RIMBP2: variants seen among roughly 807,000 people sequenced by gnomAD.
RIMBP2 encodes the protein RIMS-binding protein 2.
A neutral mutation model predicts 118.6 loss-of-function variants in RIMBP2; 48 were observed. The ratio of observed to expected loss-of-function variants is 0.40; its 90% CI spans 0.32 to 0.51. The LOEUF (loss-of-function observed/expected upper bound fraction) is 0.51. RIMBP2 is among the 20% of genes least tolerant of loss of function. The probability of loss-of-function intolerance (pLI) is 0.41; values close to 1 mark genes in which losing one functional copy is unlikely to be tolerated. For missense variants in RIMBP2, 1,551 were observed against 1,768.3 expected, an observed-to-expected ratio of 0.88 and a Z score of 2.20; for synonymous variants, 762 against 742.9, an observed-to-expected ratio of 1.03 and a Z score of -0.42.
intron 2 of RIMBP2, among the ~76,000 whole-genome samples, chr12:130,568,974 G>C (rs1018039991): frequency 1.3e-5 from 2 of 152,078 alleles, no homozygotes; most frequent in Non-Finnish European, 2.9e-5. Context: ...CTGTGTGTTA[G>C]TGACAGGGCA....
At chr12:130,696,465 C>G (rs1401377054) in intron 1 of RIMBP2, among the ~76,000 whole-genome samples, 1 of 152,188 alleles carries the variant, frequency 6.6e-6, no homozygotes, top group African/African-American at 2.4e-5. Context: ...TAGATCACCA[C>G]CACAAAATGA....
rs777258467 is a variant in RIMBP2 at position 130,424,298 on chromosome 12, G to A, written c.2973C>T (p.Pro991=). The A allele has an allele frequency of 2.1e-4, 258 of 1,231,576 alleles. No homozygotes were observed. The highest frequency in any genetic ancestry group is 2.3e-4 in the Non-Finnish European group (228 of 987,798). 76.3% of individuals were successfully genotyped at this position (1,231,576 alleles called of 1,614,324 possible). A position where few individuals can be genotyped will look rare whatever the true frequency, so the allele number is the denominator to read the frequency against. Residue 991 remains proline (P), a synonymous_variant, in exon 16 of 23, where the codon CCC becomes CCT. Coordinates refer to ENST00000690449, the MANE Select transcript of RIMBP2 (RefSeq NM_001393629.1). This position sits in a 1 kb window ranked among gnomAD's most constrained non-coding sequence, Gnocchi z 9.8. ...TCCTGGGGGGCGGCCTCTCCGGGCC[G>A]GGCTGGGGGTCGTCGTTCCTGAGGA... ...GGLLRNDDPQ[P]GPERPPPRKH... is the part of the protein sequence containing the mutation.
chr12:130,473,278 C>A (rs1011158942), intron 5 of RIMBP2, among the ~76,000 whole-genome samples: 3 of 152,222 alleles, frequency 2.0e-5, no homozygotes, highest in African/African-American at 7.2e-5. Context: ...GGGGCCAACA[C>A]AGGGAAAGTG....
intron 1 of RIMBP2, among the ~76,000 whole-genome samples, chr12:130,709,482 G>A (rs948487757): frequency 2.6e-5 from 4 of 152,244 alleles, no homozygotes; most frequent in Non-Finnish European, 4.4e-5. Context: ...GAGTCAACAC[G>A]CAGCTCGAGC....
intron 2 of RIMBP2, among the ~76,000 whole-genome samples, chr12:130,610,008 C>G (rs2060414179): frequency 6.6e-6 from 1 of 152,212 alleles, no homozygotes; most frequent in Non-Finnish European, 1.5e-5. Context: ...CCAGAAACGC[C>G]CTCACAGGCA....
intron 2 of RIMBP2, among the ~76,000 whole-genome samples, chr12:130,555,996 A>G (rs1006304124): frequency 6.6e-6 from 1 of 152,212 alleles, no homozygotes; most frequent in Admixed American, 6.5e-5. Context: ...CATGGCAACC[A>G]CATGGCATGG....
intron 5 of RIMBP2, among the ~76,000 whole-genome samples, chr12:130,474,537 G>A (rs146650663): frequency 2.0e-5 from 3 of 152,208 alleles, no homozygotes; most frequent in East Asian, 3.9e-4. Context: ...CCACATGAGC[G>A]AGCAGGCATG....
chr12:130,482,145 C>T (rs545939000), intron 4 of RIMBP2, among the ~76,000 whole-genome samples: 1 of 152,206 alleles, frequency 6.6e-6, no homozygotes, highest in Non-Finnish European at 1.5e-5. Flanking sequence ...TGTGGCTTTG[C>T]TCTGGTGTCA....
Position 130,488,715 on chromosome 12 carries a change from A to G in RIMBP2, c.-3-9699T>C, listed in dbSNP as rs149839542. 8.0e-4 allele frequency among the ~76,000 whole-genome samples: 122 copies of G among 151,926 alleles called. 1 individual carries two copies. Among genetic ancestry groups the G allele is most frequent in the African/African-American group, 2.8e-3 (116 of 41,532 alleles). On this transcript the variant is annotated intron_variant, in intron 4 of 22. Transcript: ENST00000690449. The stretch of plus-strand genomic sequence containing the variant: ...CATTCCCCTCCCACTTCCCATCCTG[A>G]GGGCTCCATTCCATGCTCACTGCCT...
chr12:130,701,107 C>T (rs1246989005), intron 1 of RIMBP2, among the ~76,000 whole-genome samples: 1 of 152,166 alleles, frequency 6.6e-6, no homozygotes, highest in Non-Finnish European at 1.5e-5. Flanking sequence ...CGTGTGATTT[C>T]GAAGGATGGG....
intron 1 of RIMBP2, chr12:130,658,838 G>A (rs981634780): frequency 6.6e-6 from 1 of 152,288 alleles, no homozygotes; most frequent in Admixed American, 6.5e-5. Context: ...GGAGGCGGGT[G>A]GCAATAGACC....
At chr12:130,601,707 T>C (rs1176221648) in intron 2 of RIMBP2, among the ~76,000 whole-genome samples, 2 of 152,242 alleles carry the variant, frequency 1.3e-5, no homozygotes, top group African/African-American at 4.8e-5. Context: ...GAGTTATTGA[T>C]CTACTTCTTC....
intron 13 of RIMBP2, 54 bp downstream of exon 13, chr12:130,436,788 G>C (rs912143294): frequency 7.6e-7 from 1 of 1,317,572 alleles, no homozygotes. Flanking sequence ...ACAGGGCCCC[G>C]TCCCGTGGGG....
rs1036911557 is a variant in RIMBP2 at position 130,622,593 on chromosome 12, G to T, written c.-217+5729C>A. Among the ~76,000 whole-genome samples the T allele has an allele frequency of 1.3e-5, 2 of 152,072 alleles. No homozygotes were observed. The highest frequency in any genetic ancestry group is 4.8e-5 in the African/African-American group (2 of 41,398). ...TCCTCCCACCTTTGCCTCCCACAGT[G>T]CTGGGAATACAGAAATGAGCCACTG... On this transcript the variant is annotated intron_variant, in intron 2 of 22. Transcript: ENST00000690449. The surrounding 1 kb of genome is among the most constrained non-coding windows in gnomAD (Gnocchi z 8.5).
At chr12:130,585,614 CAAA>C (rs60707391) in intron 2 of RIMBP2, among the ~76,000 whole-genome samples, 48 of 122,936 alleles carry the variant, frequency 3.9e-4, no homozygotes, top group Non-Finnish European at 4.0e-4. Flanking sequence ...GACCCTGTCT[CAAA>C]AAAAAAAAAA....
chr12:130,603,947 T>C (rs921741172), intron 2 of RIMBP2, among the ~76,000 whole-genome samples: 2 of 141,794 alleles, frequency 1.4e-5, no homozygotes, highest in Non-Finnish European at 1.5e-5. Flanking sequence ...AAAATAACTG[T>C]AGAACAGTCT....
At position 130,420,404 on chromosome 12, in the gene RIMBP2, A is replaced by C. The variant is rs145298972; in HGVS notation, c.3238+2049T>G. On this transcript the variant is annotated intron_variant, in intron 17 of 22. Transcript: ENST00000690449. The surrounding 1 kb of genome is among the most constrained non-coding windows in gnomAD (Gnocchi z 4.3). ...ATGTTCAGAGGCTTTTTCCTTGTTA[A>C]GGTGTTGACATAGATTTGCTCTTTC... 5.3e-3 allele frequency among the ~76,000 whole-genome samples: 801 copies of C among 152,310 alleles called. 7 individuals are homozygous for C. The highest frequency in any genetic ancestry group is 0.018 in the African/African-American group (758 of 41,554).
rs778958054 is a variant in RIMBP2 at position 130,623,110 on chromosome 12, C to T, written c.-217+5212G>A. 4.6e-5 allele frequency among the ~76,000 whole-genome samples: 7 copies of T among 152,168 alleles called. No individual in the cohort carries two copies. The highest frequency in any genetic ancestry group is 8.8e-5 in the Non-Finnish European group (6 of 68,034). Reference sequence around the variant, plus strand: ...GCTACTTACACAAATACATATAAAACGAAGGTCAACTGAATACTATTAAAG... The same window carrying T: ...GCTACTTACACAAATACATATAAAATGAAGGTCAACTGAATACTATTAAAG... On this transcript the variant is annotated intron_variant, in intron 2 of 22. Coordinates refer to ENST00000690449, the MANE Select transcript of RIMBP2 (RefSeq NM_001393629.1). This position sits in a 1 kb window ranked among gnomAD's most constrained non-coding sequence, Gnocchi z 4.1.
rs983383036 is a variant in RIMBP2, at chr12:130,434,222, T to C, written c.2253+512A>G. 1.3e-5 allele frequency among the ~76,000 whole-genome samples: 2 copies of C among 152,306 alleles called. No individual in the cohort carries two copies. The highest frequency in any genetic ancestry group is 2.1e-4 in the South Asian group (1 of 4,814). Reference sequence around the variant, plus strand: ...TTTACAGCATCTGAGGGCATTTCCATTAGAATATGCACGATCGGAAATTAG... The same window carrying C: ...TTTACAGCATCTGAGGGCATTTCCACTAGAATATGCACGATCGGAAATTAG... On this transcript the variant is annotated intron_variant, in intron 14 of 22. Coordinates refer to ENST00000690449, the MANE Select transcript of RIMBP2 (RefSeq NM_001393629.1). The surrounding 1 kb of genome is among the most constrained non-coding windows in gnomAD (Gnocchi z 5.7).
Sources: allele counts gnomAD v4.1 joint callset (sites outside exome capture counted in the v4.1 genomes callset), GRCh38; gene constraint gnomAD v4.1.1; non-coding constraint Gnocchi (gnomAD v3.1); transcripts MANE v1.5; gene names NCBI Gene and HGNC (gene_info 2026-07-23, HGNC 2026-07-21).